RALYL: variants seen among roughly 807,000 people sequenced by gnomAD.
The protein encoded by RALYL is RALY RNA binding protein like.
In RALYL, 29 loss-of-function variants were observed where a neutral mutation model predicts 35.1. The ratio of observed to expected loss-of-function variants is 0.83; its 90% CI spans 0.61 to 1.13. The LOEUF (loss-of-function observed/expected upper bound fraction) is 1.13, where lower values mean the gene tolerates loss of function less well. Ranked by LOEUF, RALYL falls within the 50% of genes most tolerant of loss-of-function variation. The pLI, the probability that RALYL is intolerant of heterozygous loss-of-function variation, is 0.00. For synonymous variants in RALYL, 120 were observed against 127.6 expected (o/e 0.94, Z 0.40); for missense variants, 359 against 360.4 (o/e 1.00, Z 0.03).
chr8:84,264,932 A>G (rs1005043934), intron 1 of RALYL, among the ~76,000 whole-genome samples: 1 of 152,172 alleles, frequency 6.6e-6, no homozygotes, highest in Non-Finnish European at 1.5e-5. Context: ...AGAATGAAGG[A>G]GCTAATATGA....
chr8:84,640,824 T>C (rs1826148861), intron 2 of RALYL, among the ~76,000 whole-genome samples: 1 of 151,944 alleles, frequency 6.6e-6, no homozygotes, highest in Admixed American at 6.6e-5. Context: ...AAAATCAAAA[T>C]CTGAATTTTA....
chr8:84,884,700 T>C (rs993250564), intron 7 of RALYL, among the ~76,000 whole-genome samples: 3 of 152,088 alleles, frequency 2.0e-5, no homozygotes, highest in African/African-American at 7.2e-5. Context: ...CATTTATGTG[T>C]TGTAACAAAA....
intron 1 of RALYL, among the ~76,000 whole-genome samples, chr8:84,457,348 A>G (rs2050250171): frequency 6.6e-6 from 1 of 151,992 alleles, no homozygotes; most frequent in African/African-American, 2.4e-5. Context: ...AAATTTTTAA[A>G]TACTTTTTGA....
chr8:84,764,229 C>T (rs1487518042), intron 2 of RALYL, among the ~76,000 whole-genome samples: 2 of 152,172 alleles, frequency 1.3e-5, no homozygotes, highest in African/African-American at 4.8e-5. Flanking sequence ...ATGCCTGTTA[C>T]ATTTTCTATA....
At chr8:84,366,793 G>T (rs1019419473) in intron 1 of RALYL, among the ~76,000 whole-genome samples, 8 of 95,726 alleles carry the variant, frequency 8.4e-5, no homozygotes, top group Admixed American at 3.2e-4. Context: ...AAAAAAAAAG[G>T]GTATCCTGGG....
At chr8:84,340,454 C>A (rs1166783605) in intron 1 of RALYL, among the ~76,000 whole-genome samples, 4 of 152,042 alleles carry the variant, frequency 2.6e-5, no homozygotes, top group African/African-American at 9.7e-5. Flanking sequence ...TTCCTGCTAA[C>A]CCTTGGTAAC....
chr8:84,529,978 A>T (rs113252086), intron 2 of RALYL, among the ~76,000 whole-genome samples: 2 of 152,090 alleles, frequency 1.3e-5, no homozygotes, highest in African/African-American at 4.8e-5. Flanking sequence ...CTCATTTCCT[A>T]TGTTTTGGAG....
At chr8:84,472,420 A>C (rs2052887386) in intron 1 of RALYL, among the ~76,000 whole-genome samples, 1 of 152,188 alleles carries the variant, frequency 6.6e-6, no homozygotes, top group Non-Finnish European at 1.5e-5. Context: ...GACTCTAAAT[A>C]GCGCCTGAAG....
At chr8:84,647,761 A>G (rs1289663644) in intron 2 of RALYL, among the ~76,000 whole-genome samples, 1 of 152,106 alleles carries the variant, frequency 6.6e-6, no homozygotes, top group Non-Finnish European at 1.5e-5. Context: ...ACAGTATGTT[A>G]TGGTGATCAT....
intron 2 of RALYL, among the ~76,000 whole-genome samples, chr8:84,762,067 A>T (rs545042324): frequency 2.0e-5 from 3 of 152,234 alleles, no homozygotes; most frequent in African/African-American, 7.2e-5. Context: ...AGCACCAGGC[A>T]TGTTTGAGAG....
At chr8:84,292,126 CAAATAAG>C (rs1310169281) in intron 1 of RALYL, among the ~76,000 whole-genome samples, 1 of 151,472 alleles carries the variant, frequency 6.6e-6, no homozygotes, top group African/African-American at 2.4e-5. Context: ...TGTGGAGAAA[CAAATAAG>C]AAGAAGAAGG....
chr8:84,768,855 CT>C (rs768609798), intron 2 of RALYL, among the ~76,000 whole-genome samples: 23 of 152,196 alleles, frequency 1.5e-4, no homozygotes, highest in Non-Finnish European at 2.9e-4. Flanking sequence ...TTTTTAATAC[CT>C]TTGAAAGGAG....
In RALYL at chr8:84,452,222, T is replaced by A. The variant is rs545212182; in HGVS notation, c.-23-77077T>A. 2.7e-5 allele frequency among the ~76,000 whole-genome samples: 4 copies of A among 146,690 alleles called. No homozygotes were observed. In the South Asian group the frequency reaches 9.0e-4, roughly 33 times the overall value. On this transcript the variant is annotated intron_variant, in intron 1 of 8. Transcript: ENST00000521268. ...TGCTCAGGGTGACAGCTTGGTTTGT[T>A]GTTGATACTACTTTTTTTTTTTTTC... is the stretch of plus-strand genomic sequence containing the variant.
At chr8:84,459,745 T>C (rs542960301) in intron 1 of RALYL, among the ~76,000 whole-genome samples, 25 of 151,780 alleles carry the variant, frequency 1.6e-4, no homozygotes, top group Non-Finnish European at 3.5e-4. Context: ...GATAGTGGAG[T>C]AGAATGTTTA....
chr8:84,630,878 A>G (rs1823773579), intron 2 of RALYL, among the ~76,000 whole-genome samples: 1 of 152,044 alleles, frequency 6.6e-6, no homozygotes, highest in Admixed American at 6.6e-5. Flanking sequence ...ATGCAAGAAG[A>G]AAAACTTGCA....
intron 2 of RALYL, among the ~76,000 whole-genome samples, chr8:84,545,794 T>C (rs1003775642): frequency 1.3e-5 from 2 of 152,216 alleles, no homozygotes; most frequent in Admixed American, 1.3e-4. Flanking sequence ...ATGACATACT[T>C]TACAAGTTGT....
intron 1 of RALYL, among the ~76,000 whole-genome samples, chr8:84,308,939 G>A (rs1161498650): frequency 6.6e-6 from 1 of 151,602 alleles, no homozygotes; most frequent in Non-Finnish European, 1.5e-5. Flanking sequence ...CAAATATCAA[G>A]GGTCATGATA....
chr8:84,703,250 C>A (rs1840537606), intron 2 of RALYL, among the ~76,000 whole-genome samples: 1 of 152,040 alleles, frequency 6.6e-6, no homozygotes, highest in African/African-American at 2.4e-5. Flanking sequence ...CCACTAGGCC[C>A]AGATGTGAGG....
chr8:84,407,408 G>C (rs1280805891), intron 1 of RALYL, among the ~76,000 whole-genome samples: 1 of 152,132 alleles, frequency 6.6e-6, no homozygotes, highest in African/African-American at 2.4e-5. Context: ...ACATGCAAAA[G>C]TAGAGACAAT....
Sources: allele counts gnomAD v4.1 joint callset (sites outside exome capture counted in the v4.1 genomes callset), GRCh38; gene constraint gnomAD v4.1.1; transcripts MANE v1.5; gene names NCBI Gene and HGNC (gene_info 2026-07-23, HGNC 2026-07-21).